Variants in KHDRBS3 observed in about 807,000 individuals in gnomAD.
The protein encoded by KHDRBS3 is KH RNA binding domain containing, signal transduction associated 3, also known as KH domain-containing, RNA-binding, signal transduction-associated protein 3.
KHDRBS3 carries 23 observed loss-of-function variants against 45.6 expected under a neutral mutation model. The ratio of observed to expected loss-of-function variants is 0.50; its 90% CI spans 0.36 to 0.72. KHDRBS3 has a LOEUF of 0.72. Ranked by LOEUF, KHDRBS3 falls within the 30% of genes least tolerant of loss-of-function variation. The probability of loss-of-function intolerance (pLI) is 0.00; values close to 1 mark genes in which losing one functional copy is unlikely to be tolerated. For missense variants in KHDRBS3, 352 were observed against 424.8 expected, an observed-to-expected ratio of 0.83 and a Z score of 1.51; for synonymous variants, 162 against 156.5, an observed-to-expected ratio of 1.04 and a Z score of -0.26.
intron 5 of KHDRBS3, among the ~76,000 whole-genome samples, chr8:135,575,950 C>T (rs1402499995): frequency 6.6e-6 from 1 of 152,158 alleles, no homozygotes; most frequent in Non-Finnish European, 1.5e-5. Flanking sequence ...TGTCCTGTCT[C>T]CTTAGGCTGC....
At chr8:135,525,013 T>G (rs1479010648) in intron 2 of KHDRBS3, among the ~76,000 whole-genome samples, 1 of 152,188 alleles carries the variant, frequency 6.6e-6, no homozygotes, top group Non-Finnish European at 1.5e-5. Flanking sequence ...CTTGGCCATC[T>G]TAGATTTATT....
At chr8:135,638,806 G>A (rs1438054347) in intron 7 of KHDRBS3, among the ~76,000 whole-genome samples, 1 of 152,044 alleles carries the variant, frequency 6.6e-6, no homozygotes, top group African/African-American at 2.4e-5. Context: ...AAATTAGCTG[G>A]GCATGGTGGT....
intron 6 of KHDRBS3, among the ~76,000 whole-genome samples, chr8:135,594,133 A>G (rs1007945213): frequency 1.2e-4 from 19 of 152,348 alleles, no homozygotes; most frequent in Middle Eastern, 3.4e-3. Flanking sequence ...TATAGGTAGA[A>G]TAGAGCATGA....
intron 1 of KHDRBS3, among the ~76,000 whole-genome samples, chr8:135,515,570 C>A (rs1464512463): frequency 6.6e-6 from 1 of 151,806 alleles, no homozygotes; most frequent in Non-Finnish European, 1.5e-5. Context: ...TATTTACCCT[C>A]TGGCTTTGAG....
chr8:135,561,598 C>T (rs1372519427), intron 5 of KHDRBS3, among the ~76,000 whole-genome samples: 1 of 151,334 alleles, frequency 6.6e-6, no homozygotes, highest in East Asian at 1.9e-4. Context: ...CATTCTAGCA[C>T]TTTTATTGTG....
At chr8:135,650,025 C>T (rs771022659), downstream of KHDRBS3, among the ~76,000 whole-genome samples, 4 of 152,114 alleles carry the variant, frequency 2.6e-5, no homozygotes, top group Non-Finnish European at 4.4e-5. Flanking sequence ...AGTCTTCTCA[C>T]GTCTCTAAGA....
chr8:135,601,554 GA>G (rs1829215175), intron 6 of KHDRBS3, among the ~76,000 whole-genome samples: 1 of 152,206 alleles, frequency 6.6e-6, no homozygotes, highest in Non-Finnish European at 1.5e-5. Context: ...GCAGAAAAAT[GA>G]GTCTGACATG....
rs184774241 is a variant in KHDRBS3, at chr8:135,490,270, C to T, written c.89-30967C>T. On this transcript the variant is annotated intron_variant, in intron 1 of 8. Transcript: ENST00000355849. ...ACCAGTGTGGATCTTCCCTTGCCTC[C>T]CCTTCCTCTCTAGTGGCTTTTAGAA... Among the ~76,000 whole-genome samples the T allele has an allele frequency of 4.0e-5, 6 of 151,742 alleles. No individual in the cohort carries two copies. In the East Asian group the frequency reaches 1.2e-3, roughly 30 times the overall value.
At chr8:135,468,127 C>G (rs182985560) in intron 1 of KHDRBS3, among the ~76,000 whole-genome samples, 3 of 152,244 alleles carry the variant, frequency 2.0e-5, no homozygotes, top group Non-Finnish European at 4.4e-5. Flanking sequence ...CCTTTACTAT[C>G]ACCGTGTAAA....
chr8:135,558,239 T>C (rs1304410571), intron 5 of KHDRBS3, among the ~76,000 whole-genome samples: 2 of 152,220 alleles, frequency 1.3e-5, no homozygotes, highest in Non-Finnish European at 1.5e-5. Context: ...ACACATTTTT[T>C]ATTTCTCTCC....
rs1445786355 is a variant in KHDRBS3, at chr8:135,539,227, A to AGTGTC, written c.208-3426_208-3422dup. On this transcript the variant is annotated intron_variant, in intron 2 of 8. Transcript: ENST00000355849. ...CAAATAAACATGCTAAATATTTCCA[A>AGTGTC]GTGTCCCACAGGGAGGTGATGCAAC... is the stretch of plus-strand genomic sequence containing the variant. The AGTGTC allele has an allele frequency of 2.6e-5, 4 of 152,346 alleles. No individual in the cohort carries two copies. In the South Asian group the frequency reaches 8.3e-4, roughly 32 times the overall value. The allele number at this position is 152,346 out of a possible 1,614,324, so 9.4% of individuals were successfully genotyped here.
chr8:135,468,403 T>C (rs912304914), intron 1 of KHDRBS3, among the ~76,000 whole-genome samples: 8 of 152,204 alleles, frequency 5.3e-5, no homozygotes, highest in Non-Finnish European at 1.0e-4. Flanking sequence ...GGCTCTTTCA[T>C]GGACAGCTGG....
At chr8:135,611,224 C>CT (rs1254669622) in intron 7 of KHDRBS3, among the ~76,000 whole-genome samples, 2 of 151,880 alleles carry the variant, frequency 1.3e-5, no homozygotes, top group Non-Finnish European at 2.9e-5. Context: ...GCTAGATACT[C>CT]TTGAGTGTTC....
chr8:135,515,149 G>A (rs12545142), intron 1 of KHDRBS3, among the ~76,000 whole-genome samples: 1 of 151,422 alleles, frequency 6.6e-6, no homozygotes, highest in African/African-American at 2.4e-5. Context: ...GGCGGATCAC[G>A]AGGTCAGGAG....
intron 7 of KHDRBS3, among the ~76,000 whole-genome samples, chr8:135,617,642 C>T (rs1461362877): frequency 4.6e-5 from 7 of 152,280 alleles, no homozygotes; most frequent in Admixed American, 3.9e-4. Context: ...CGTGGAACTT[C>T]CCTGAACTCA....
intron 1 of KHDRBS3, among the ~76,000 whole-genome samples, chr8:135,475,139 T>C (rs893173184): frequency 1.3e-5 from 2 of 152,224 alleles, no homozygotes; most frequent in African/African-American, 2.4e-5. Context: ...AGGTGGTTAC[T>C]AACTTAGTTC....
intron 2 of KHDRBS3, among the ~76,000 whole-genome samples, chr8:135,529,843 G>A (rs559667824): frequency 3.6e-4 from 54 of 152,080 alleles, no homozygotes; most frequent in African/African-American, 1.1e-3. Context: ...GGCAGATCAC[G>A]AGGTCAGGAG....
intron 6 of KHDRBS3, among the ~76,000 whole-genome samples, chr8:135,591,257 G>A (rs1277910278): frequency 6.6e-6 from 1 of 152,062 alleles, no homozygotes; most frequent in Non-Finnish European, 1.5e-5. Flanking sequence ...CAAATAAATG[G>A]GAAAAAATAT....
chr8:135,520,198 T>C (rs1824836982), intron 1 of KHDRBS3, among the ~76,000 whole-genome samples: 1 of 152,218 alleles, frequency 6.6e-6, no homozygotes, highest in African/African-American at 2.4e-5. Flanking sequence ...ACAAGCAAAA[T>C]GGATAAATAC....
Sources: gnomAD v4.1 joint callset for allele counts (sites outside exome capture counted in the v4.1 genomes callset) on GRCh38, gnomAD v4.1.1 for gene constraint, MANE v1.5 for transcripts, NCBI Gene and HGNC (gene_info 2026-07-23, HGNC 2026-07-21) for gene names.